GMDS: variants seen among roughly 807,000 people sequenced by gnomAD.
The protein encoded by GMDS is GDP-mannose 4,6 dehydratase.
In GMDS, 20 loss-of-function variants were observed where a neutral mutation model predicts 49.9. The observed-to-expected ratio is 0.40, with a 90% CI of 0.28 to 0.58. GMDS has a LOEUF of 0.58. GMDS is among the 20% of genes least tolerant of loss of function. GMDS has a pLI of 0.42. For missense variants in GMDS, 362 were observed against 481.4 expected, an observed-to-expected ratio of 0.75 and a Z score of 2.32; for synonymous variants, 177 against 178.6, an observed-to-expected ratio of 0.99 and a Z score of 0.07.
intron 9 of GMDS, among the ~76,000 whole-genome samples, chr6:1,664,739 C>T (rs888253429): frequency 1.3e-5 from 2 of 152,094 alleles, no homozygotes; most frequent in Non-Finnish European, 2.9e-5. Context: ...ATAATGTAAG[C>T]ATAATATTTA....
At chr6:2,170,403 A>G (rs995182612) in intron 1 of GMDS, among the ~76,000 whole-genome samples, 6 of 152,104 alleles carry the variant, frequency 3.9e-5, no homozygotes, top group Non-Finnish European at 7.4e-5. Flanking sequence ...AGACAGGAGG[A>G]TATCTTGAGG....
intron 1 of GMDS, among the ~76,000 whole-genome samples, chr6:2,167,141 C>T (rs1370484213): frequency 6.6e-6 from 1 of 152,192 alleles, no homozygotes; most frequent in Non-Finnish European, 1.5e-5. Flanking sequence ...ATTCAGTGGA[C>T]ATTTTTTCAG....
intron 4 of GMDS, among the ~76,000 whole-genome samples, chr6:2,091,921 G>A (rs1773340266): frequency 6.6e-6 from 1 of 151,726 alleles, no homozygotes; most frequent in African/African-American, 2.4e-5. Context: ...AAAATCAGGA[G>A]AGTTACAGAC....
At chr6:2,212,793 G>T (rs1277896669) in intron 1 of GMDS, among the ~76,000 whole-genome samples, 1 of 151,188 alleles carries the variant, frequency 6.6e-6, no homozygotes, top group Non-Finnish European at 1.5e-5. Context: ...CACATGTGCA[G>T]CTCGACATGG....
chr6:2,202,267 ATGAAACCATCTAGGCAGTGAGGGCAGC>A, intron 1 of GMDS, among the ~76,000 whole-genome samples: 1 of 150,220 alleles, frequency 6.7e-6, no homozygotes, highest in African/African-American at 2.4e-5. Flanking sequence ...GACATCCGAG[ATGAAACCATCTAGGCAGTGAGGGCAGC>A]ATGTTAGCAG....
At chr6:1,696,249 C>G (rs1001008210) in intron 9 of GMDS, among the ~76,000 whole-genome samples, 1 of 152,216 alleles carries the variant, frequency 6.6e-6, no homozygotes, top group African/African-American at 2.4e-5. Context: ...CTACCACACA[C>G]CTATAATCTG....
intron 4 of GMDS, among the ~76,000 whole-genome samples, chr6:2,079,433 T>C (rs1772542705): frequency 6.6e-6 from 1 of 152,146 alleles, no homozygotes; most frequent in African/African-American, 2.4e-5. Context: ...TATTCCTTTG[T>C]GTGATTGCTT....
intron 9 of GMDS, among the ~76,000 whole-genome samples, chr6:1,719,132 G>GT (rs1196249499): frequency 6.6e-6 from 1 of 152,216 alleles, no homozygotes; most frequent in African/African-American, 2.4e-5. Flanking sequence ...GCCAAACCTG[G>GT]TAAGCATTTG....
chr6:2,200,454 G>C (rs1779463783), intron 1 of GMDS, among the ~76,000 whole-genome samples: 1 of 151,042 alleles, frequency 6.6e-6, no homozygotes, highest in Non-Finnish European at 1.5e-5. Context: ...AGGGCAGCAT[G>C]TTAGCAGAGA....
intron 9 of GMDS, among the ~76,000 whole-genome samples, chr6:1,665,759 C>T (rs1295144884): frequency 2.6e-5 from 4 of 152,136 alleles, no homozygotes; most frequent in Non-Finnish European, 5.9e-5. Flanking sequence ...GTGTGCCTTG[C>T]TACACATAAT....
intron 4 of GMDS, among the ~76,000 whole-genome samples, chr6:1,963,020 G>T (rs1460184640): frequency 6.6e-6 from 1 of 151,200 alleles, no homozygotes; most frequent in Non-Finnish European, 1.5e-5. Context: ...GGGATTACAG[G>T]CATGCACCAC....
chr6:1,984,177 A>G (rs910320184), intron 4 of GMDS, among the ~76,000 whole-genome samples: 1 of 152,208 alleles, frequency 6.6e-6, no homozygotes, highest in Non-Finnish European at 1.5e-5. Flanking sequence ...TGATGAGAAC[A>G]TATGGACACA....
chr6:2,125,192 C>T (rs975398685), intron 1 of GMDS, among the ~76,000 whole-genome samples: 3 of 152,150 alleles, frequency 2.0e-5, no homozygotes, highest in African/African-American at 7.2e-5. Context: ...AATCCTGGTA[C>T]TTTGGGAGGT....
intron 9 of GMDS, among the ~76,000 whole-genome samples, chr6:1,668,902 G>C (rs1310290306): frequency 7.9e-5 from 12 of 152,208 alleles, no homozygotes; most frequent in Admixed American, 2.0e-4. Flanking sequence ...GAAGTACCAA[G>C]GTATCAGCTC....
chr6:2,136,128 T>C (rs1775987171), intron 1 of GMDS, among the ~76,000 whole-genome samples: 1 of 152,212 alleles, frequency 6.6e-6, no homozygotes, highest in African/African-American at 2.4e-5. Context: ...AGTGAAAATA[T>C]GGTATCTTAT....
chr6:1,853,517 CAAAA>C (rs34773610), intron 7 of GMDS, among the ~76,000 whole-genome samples: 1 of 70,386 alleles, frequency 1.4e-5, no homozygotes, highest in Non-Finnish European at 2.6e-5. Flanking sequence ...GACTCCGTCT[CAAAA>C]AAAAAAAAAA....
chr6:2,209,159 G>A (rs1581799330), intron 1 of GMDS, among the ~76,000 whole-genome samples: 1 of 152,326 alleles, frequency 6.6e-6, no homozygotes, highest in Admixed American at 6.5e-5. Context: ...CATCTTTTGA[G>A]ATTACTTCCT....
intron 4 of GMDS, among the ~76,000 whole-genome samples, chr6:2,050,432 C>T (rs143628150): frequency 0.031 from 4,666 of 152,224 alleles, 146 homozygotes; most frequent in South Asian, 0.094. Context: ...GATTCACAGC[C>T]GAATTCTACC....
chr6:1,840,101 C>T (rs185130796), intron 7 of GMDS, among the ~76,000 whole-genome samples: 4 of 152,278 alleles, frequency 2.6e-5, no homozygotes, highest in East Asian at 1.9e-4. Context: ...CAGAATGTTA[C>T]GCACAAAACC....
Sources: gnomAD v4.1 joint callset for allele counts (sites outside exome capture counted in the v4.1 genomes callset) on GRCh38, gnomAD v4.1.1 for gene constraint, MANE v1.5 for transcripts, NCBI Gene and HGNC (gene_info 2026-07-23, HGNC 2026-07-21) for gene names.